Variants in DCHS2 observed in about 807,000 individuals in gnomAD.
DCHS2 encodes the protein protocadherin-23.
A neutral mutation model predicts 182.4 loss-of-function variants in DCHS2; 142 were observed. The ratio of observed to expected loss-of-function variants is 0.78; its 90% confidence interval spans 0.68 to 0.89. DCHS2 has a LOEUF of 0.89. Ranked by LOEUF, DCHS2 falls within the 40% of genes least tolerant of loss-of-function variation. The pLI, the probability that DCHS2 is intolerant of heterozygous loss-of-function variation, is 0.00. For missense variants in DCHS2, 4,319 were observed against 4,198.6 expected (o/e 1.03, Z -0.79); for synonymous variants, 1,740 against 1,663.3 (o/e 1.05, Z -1.12).
In DCHS2 at chr4:154,490,029, C is replaced by T. The variant is rs1264529930; in HGVS notation, c.1327G>A (p.Asp443Asn). The change falls in exon 1 of 20, where the codon GAC becomes AAC. Residue 443 changes from aspartate to asparagine, a missense_variant. Physicochemically the swap from Asp to Asn is conservative, Grantham distance 23. Coordinates refer to ENST00000357232, the MANE Select transcript of DCHS2 (RefSeq NM_001358235.2). ...GDYVARVSVS[D>N]ADGDWEKEDE... ...TCCTTCTCCCAGTCACCGTCCGCGT[C>T]AGACACCGAGACGCGAGCCACGTAG... The T allele has an allele frequency of 5.2e-6, 8 of 1,547,800 alleles. No homozygotes were observed. The highest frequency in any genetic ancestry group is 1.7e-4 in the Middle Eastern group (1 of 6,014).
At position 154,320,622 on chromosome 4, in the gene DCHS2, C is replaced by A; in HGVS notation, c.4777G>T (p.Ala1593Ser). The A allele has an allele frequency of 3.1e-6, 5 of 1,614,102 alleles. No individual in the cohort carries two copies. Among genetic ancestry groups the A allele is most frequent in the South Asian group, 1.1e-5 (1 of 91,076 alleles). The change falls in exon 9 of 20, where the codon GCT (alanine) becomes TCT (serine). Residue 1593 changes from alanine (A) to serine (S), a missense_variant. By Grantham distance (99) the Ala-to-Ser change is moderately conservative. Transcript: ENST00000357232. Reference protein sequence around the residue: ...VILTVTASDQAVNVTDRRLRS... With the variant: ...VILTVTASDQSVNVTDRRLRS... Reference sequence around the variant, plus strand: ...AGTCGCCGGTCTGTCACATTCACAGCCTGATCAGATGCTGTTACTGTCAGG... The same window carrying A: ...AGTCGCCGGTCTGTCACATTCACAGACTGATCAGATGCTGTTACTGTCAGG...
At position 154,235,852 on chromosome 4, in the gene DCHS2, T is replaced by C; in HGVS notation, c.8800A>G (p.Asn2934Asp). Residue 2934 changes from asparagine (N) to aspartate (D), a missense_variant, in exon 20 of 20, where the codon AAT becomes GAT. Coordinates refer to ENST00000357232, the MANE Select transcript of DCHS2 (RefSeq NM_001358235.2). ...PFFSVNKTNG[N>D]IYLIRALPLI... ...GGAAGGGCTCTAATCAAATAAATAT[T>C]TCCATTGGTTTTATTTACTGAAAAG... 6.2e-7 allele frequency: 1 copy of C among 1,614,044 alleles called. No individual in the cohort carries two copies. The highest frequency in any genetic ancestry group is 8.5e-7 in the Non-Finnish European group (1 of 1,179,962).
intron 1 of DCHS2, among the ~76,000 whole-genome samples, chr4:154,424,970 C>A (rs1040948286): frequency 5.9e-5 from 9 of 152,146 alleles, no homozygotes; most frequent in African/African-American, 2.2e-4. Context: ...AGCTCTATTT[C>A]TTTTTTAATT....
chr4:154,274,246 A>T (rs1390070245), intron 13 of DCHS2, among the ~76,000 whole-genome samples: 1 of 152,190 alleles, frequency 6.6e-6, no homozygotes, highest in Non-Finnish European at 1.5e-5. Flanking sequence ...CTCAATTTCT[A>T]AGTGTTGGAA....
At chr4:154,273,914 G>A (rs1391184112) in intron 13 of DCHS2, among the ~76,000 whole-genome samples, 2 of 152,130 alleles carry the variant, frequency 1.3e-5, no homozygotes. Flanking sequence ...CTGCTGCTGG[G>A]TGCACAGTAA....
chr4:154,303,553 G>T (rs1735306889), intron 12 of DCHS2, among the ~76,000 whole-genome samples: 1 of 151,940 alleles, frequency 6.6e-6, no homozygotes, highest in Admixed American at 6.6e-5. Context: ...ACCATGATGG[G>T]GGAGGTAGAA....
At chr4:154,357,945 T>C (rs946871808) in intron 3 of DCHS2, among the ~76,000 whole-genome samples, 3 of 152,180 alleles carry the variant, frequency 2.0e-5, no homozygotes, top group Non-Finnish European at 2.9e-5. Flanking sequence ...GAATCAGACA[T>C]GAGCCTACAG....
chr4:154,331,947 C>T lies in DCHS2; in HGVS notation c.3730+531G>A, dbSNP rs115904386. ...TAAAAATTTCACTGTAATTATTCCC[C>T]CTTTTCCTCTGGTTCCCCTGTCAGA... On this transcript the variant is annotated intron_variant, in intron 5 of 19. Coordinates refer to ENST00000357232, the MANE Select transcript of DCHS2 (RefSeq NM_001358235.2). Among the ~76,000 whole-genome samples the T allele has an allele frequency of 5.8e-3, 882 of 152,158 alleles. 9 individuals are homozygous for T. Among genetic ancestry groups the T allele is most frequent in the African/African-American group, 0.021 (857 of 41,496 alleles).
chr4:154,325,798 A>T (rs1736258746), intron 7 of DCHS2, among the ~76,000 whole-genome samples: 1 of 152,216 alleles, frequency 6.6e-6, no homozygotes, highest in South Asian at 2.1e-4. Flanking sequence ...TCAGAGAAGA[A>T]TTTGGCTCCC....
rs1419607407 is a variant in DCHS2 at position 154,332,998 on chromosome 4, T to A, written c.3210A>T (p.Thr1070=). 1 of 1,614,196 alleles carries A rather than the reference T, an allele frequency of 6.2e-7. No individual in the cohort carries two copies. Among genetic ancestry groups the A allele is most frequent in the Non-Finnish European group, 8.5e-7 (1 of 1,180,006 alleles). The part of the protein sequence containing the change: ...VHPQAALLVL[T]VVIEKREHSP... ...TGTGTTCGCGTTTCTCGATAACGAC[T>A]GTCAGCACCAGCAGGGCTGCCTGAG... Residue 1070 remains threonine, a synonymous_variant, in exon 5 of 20, where the codon ACA becomes ACT. Coordinates refer to ENST00000357232, the MANE Select transcript of DCHS2 (RefSeq NM_001358235.2).
intron 1 of DCHS2, among the ~76,000 whole-genome samples, chr4:154,455,427 A>C (rs1399985467): frequency 1.3e-5 from 2 of 152,254 alleles, no homozygotes; most frequent in African/African-American, 2.4e-5. Flanking sequence ...CCTGTCTTTA[A>C]CATACATTTT....
intron 13 of DCHS2, among the ~76,000 whole-genome samples, chr4:154,290,865 G>A (rs1198619218): frequency 6.6e-6 from 1 of 152,054 alleles, no homozygotes; most frequent in Non-Finnish European, 1.5e-5. Flanking sequence ...AACGCTCTAG[G>A]AAATTGGAGT....
rs927296074 is a variant in DCHS2 at position 154,491,678 on chromosome 4, G to C, written c.-323C>G. On this transcript the variant is annotated 5_prime_UTR_variant, in exon 1 of 20. Coordinates refer to ENST00000357232, the MANE Select transcript of DCHS2 (RefSeq NM_001358235.2). ...TTTACATCTGTTCCTTGTTCTACTC[G>C]GCTGGTTGTTCCCCCCTGGTAAAGT... 5.1e-6 allele frequency: 6 copies of C among 1,166,510 alleles called. No individual in the cohort carries two copies. Among genetic ancestry groups the C allele is most frequent in the Middle Eastern group, 3.5e-4 (1 of 2,864 alleles). 72.3% of individuals were successfully genotyped at this position (1,166,510 alleles called of 1,614,324 possible). A position where few individuals can be genotyped will look rare whatever the true frequency, so the allele number is the denominator to read the frequency against.
chr4:154,284,407 A>T (rs1476874103), intron 13 of DCHS2: 4 of 152,266 alleles, frequency 2.6e-5, no homozygotes, highest in African/African-American at 4.8e-5. Context: ...TTATCTACAC[A>T]AAAAAGGACC....
intron 1 of DCHS2, among the ~76,000 whole-genome samples, chr4:154,410,470 CAAAAA>C (rs61280673): frequency 9.9e-5 from 7 of 70,354 alleles, no homozygotes; most frequent in African/African-American, 3.6e-4. Context: ...ACCCAGAGGG[CAAAAA>C]AAAAAAAAAA....
At chr4:154,353,408 A>T (rs963723134) in intron 3 of DCHS2, among the ~76,000 whole-genome samples, 2 of 152,210 alleles carry the variant, frequency 1.3e-5, no homozygotes, top group Non-Finnish European at 2.9e-5. Flanking sequence ...AAAATACTCT[A>T]GTTAAAAGAC....
At chr4:154,368,842 G>T (rs940506943) in intron 2 of DCHS2, among the ~76,000 whole-genome samples, 12 of 152,164 alleles carry the variant, frequency 7.9e-5, no homozygotes, top group Admixed American at 2.0e-4. Context: ...CACTAGTGGG[G>T]CTAGAGAGGG....
intron 16 of DCHS2, among the ~76,000 whole-genome samples, chr4:154,253,623 A>ATATC (rs1732496929): frequency 6.6e-6 from 1 of 152,226 alleles, no homozygotes. Flanking sequence ...AGGTTTTAAT[A>ATATC]TATCTAAACA....
At chr4:154,350,113 G>C (rs1391074812) in intron 3 of DCHS2, among the ~76,000 whole-genome samples, 1 of 152,180 alleles carries the variant, frequency 6.6e-6, no homozygotes, top group Non-Finnish European at 1.5e-5. Flanking sequence ...AAACGCGTAG[G>C]CTCTACCTTA....
Sources: gnomAD v4.1 joint callset for allele counts (sites outside exome capture counted in the v4.1 genomes callset) on GRCh38, gnomAD v4.1.1 for gene constraint, MANE v1.5 for transcripts, NCBI Gene and HGNC (gene_info 2026-07-23, HGNC 2026-07-21) for gene names.